Variants in ADAMTS16 observed in about 807,000 individuals in gnomAD.
ADAMTS16 encodes A disintegrin and metalloproteinase with thrombospondin motifs 16.
A neutral mutation model predicts 145.8 loss-of-function variants in ADAMTS16; 94 were observed. The observed-to-expected ratio is 0.64, with a 90% CI of 0.55 to 0.77. The LOEUF is 0.77. ADAMTS16 is among the 30% of genes least tolerant of loss of function. The pLI is 0.00. For synonymous variants in ADAMTS16, 659 were observed against 604.3 expected (o/e 1.09, Z -1.33); for missense variants, 1,585 against 1,591.5 (o/e 1.00, Z 0.07).
At position 5,216,774 on chromosome 5, in the gene ADAMTS16, C is replaced by T. The variant is rs532340832; in HGVS notation, c.1606-6015C>T. ...CTCCCCCCTCCCCCCACCCCACAAC[C>T]GTCCCCAGAGTGTGATATTCCCCTT... is the stretch of plus-strand genomic sequence containing the variant. On this transcript the variant is annotated intron_variant, in intron 10 of 22. Coordinates refer to ENST00000274181, the MANE Select transcript of ADAMTS16 (RefSeq NM_139056.4). Among the ~76,000 whole-genome samples, 33 of 125,506 alleles carry T rather than the reference C, an allele frequency of 2.6e-4. No individual in the cohort carries two copies. The East Asian group carries it at 5.6e-3, about 21-fold the overall frequency. The allele number at this position is 125,506 out of a possible 152,430, so 82.3% of individuals were successfully genotyped here. A position where few individuals can be genotyped will look rare whatever the true frequency, so the allele number is the denominator to read the frequency against.
chr5:5,258,849 T>TA (rs200324299), intron 17 of ADAMTS16, among the ~76,000 whole-genome samples: 5 of 150,876 alleles, frequency 3.3e-5, no homozygotes, highest in Non-Finnish European at 7.4e-5. Context: ...TATATATATA[T>TA]AATTTTTTTT....
At chr5:5,303,804 C>T (rs1465765125) in intron 20 of ADAMTS16, 38 bp downstream of exon 20, 1 of 1,600,994 alleles carries the variant, frequency 6.2e-7, no homozygotes. Context: ...GGTTGACTAG[C>T]TCTCCCCTCG....
In ADAMTS16 at chr5:5,318,358, G is replaced by A. The variant is rs191448236; in HGVS notation, c.3559+77G>A. On this transcript the variant is annotated intron_variant, in intron 22 of 22. Coordinates refer to ENST00000274181, the MANE Select transcript of ADAMTS16 (RefSeq NM_139056.4). ...GGTTTCTGGAGCAGTTCCTTGGGGG[G>A]CCTGGAGTTAGGGTCTTGCGTCTGA... The A allele has an allele frequency of 1.4e-5, 18 of 1,306,420 alleles. 1 individual carries two copies. Among genetic ancestry groups the A allele is most frequent in the South Asian group, 1.0e-4 (4 of 38,896 alleles). The allele number at this position is 1,306,420 out of a possible 1,614,324, so 80.9% of individuals were successfully genotyped here. A position where few individuals can be genotyped will look rare whatever the true frequency, so the allele number is the denominator to read the frequency against.
chr5:5,197,102 T>C (rs1334064650), intron 8 of ADAMTS16, among the ~76,000 whole-genome samples: 1 of 152,202 alleles, frequency 6.6e-6, no homozygotes, highest in Non-Finnish European at 1.5e-5. Context: ...TCGCCATCAT[T>C]ATGCCAAAGG....
At chr5:5,282,050 G>A (rs114095891) in intron 18 of ADAMTS16, among the ~76,000 whole-genome samples, 358 of 151,988 alleles carry the variant, frequency 2.4e-3, no homozygotes, top group Non-Finnish European at 4.4e-3. Flanking sequence ...ATGCTCACCC[G>A]TTGAGCCTTT....
chr5:5,265,460 CCCACCT>C (rs1579356615), intron 18 of ADAMTS16, among the ~76,000 whole-genome samples: 1 of 152,144 alleles, frequency 6.6e-6, no homozygotes, highest in East Asian at 1.9e-4. Flanking sequence ...AAGTGAGGCT[CCCACCT>C]TCCCACAGAG....
intron 9 of ADAMTS16, among the ~76,000 whole-genome samples, chr5:5,204,102 A>G (rs1736027279): frequency 6.6e-6 from 1 of 152,138 alleles, no homozygotes; most frequent in African/African-American, 2.4e-5. Context: ...GACCGAGGGA[A>G]TCAGTTCATG....
intron 8 of ADAMTS16, among the ~76,000 whole-genome samples, chr5:5,199,291 T>C (rs1735893326): frequency 2.0e-5 from 3 of 152,200 alleles, no homozygotes; most frequent in South Asian, 4.1e-4. Flanking sequence ...ATTGGCATTG[T>C]AGGATCTCAA....
chr5:5,298,790 A>C (rs1490577814), intron 18 of ADAMTS16, among the ~76,000 whole-genome samples: 1 of 152,240 alleles, frequency 6.6e-6, no homozygotes, highest in East Asian at 1.9e-4. Flanking sequence ...TCAAAAACCA[A>C]GTAATATTGA....
intron 3 of ADAMTS16, among the ~76,000 whole-genome samples, chr5:5,152,244 C>T (rs148803968): frequency 7.9e-4 from 120 of 152,350 alleles, no homozygotes; most frequent in African/African-American, 2.8e-3. Flanking sequence ...GCAGATGGGA[C>T]TGCTAGAATG....
rs79452311 is a variant in ADAMTS16, at chr5:5,166,763, T to C, written c.502-15281T>C. Among the ~76,000 whole-genome samples, 294 of 152,316 alleles carry C rather than the reference T, an allele frequency of 1.9e-3. 7 individuals carry two copies. In the East Asian group the frequency reaches 0.047, roughly 25 times the overall value. ...AGCTAAAAGATAATTTCCAAGACAG[T>C]GTTTCCAGTTGGAAAATAAGGCCCT... On this transcript the variant is annotated intron_variant, in intron 3 of 22. Coordinates refer to ENST00000274181, the MANE Select transcript of ADAMTS16 (RefSeq NM_139056.4).
chr5:5,215,789 ATGTGTGGTATATATATG>A (rs1736410782), intron 10 of ADAMTS16, among the ~76,000 whole-genome samples: 1 of 46,064 alleles, frequency 2.2e-5, no homozygotes, highest in Non-Finnish European at 3.9e-5. Flanking sequence ...TGGTATATAT[ATGTGTGGTATATATATG>A]TGTGGTATAT....
At chr5:5,177,554 GAT>G (rs1735234184) in intron 3 of ADAMTS16, among the ~76,000 whole-genome samples, 1 of 152,064 alleles carries the variant, frequency 6.6e-6, no homozygotes, top group South Asian at 2.1e-4. Context: ...TTTTTTTCAA[GAT>G]ATCACATATA....
At chr5:5,212,966 T>C (rs1736318272) in intron 10 of ADAMTS16, among the ~76,000 whole-genome samples, 1 of 152,244 alleles carries the variant, frequency 6.6e-6, no homozygotes, top group Non-Finnish European at 1.5e-5. Flanking sequence ...TGATAGTGGT[T>C]GCTTTAGAGA....
At chr5:5,312,878 A>T (rs1255601281) in intron 21 of ADAMTS16, among the ~76,000 whole-genome samples, 1 of 152,184 alleles carries the variant, frequency 6.6e-6, no homozygotes, top group Admixed American at 6.5e-5. Flanking sequence ...GTCTGTGGGA[A>T]ATGTGGGTCA....
rs1173829992 is a variant in ADAMTS16 at position 5,206,425 on chromosome 5, C to CAAAAAAAAAA, written c.1452-2655_1452-2646dup. 7.9e-3 allele frequency among the ~76,000 whole-genome samples: 312 copies of CAAAAAAAAAA among 39,420 alleles called. 10 individuals are homozygous for CAAAAAAAAAA. The highest frequency in any genetic ancestry group is 9.7e-3 in the African/African-American group (83 of 8,522). 25.9% of individuals were successfully genotyped at this position (39,420 alleles called of 152,430 possible). On this transcript the variant is annotated intron_variant, in intron 9 of 22. Coordinates refer to ENST00000274181, the MANE Select transcript of ADAMTS16 (RefSeq NM_139056.4). ...TGGGCGACAGAGCGAGACTCCGTCT[C>CAAAAAAAAAA]AAAAAAAAAAAAAAAAAAAAAAGAT...
intron 2 of ADAMTS16, among the ~76,000 whole-genome samples, chr5:5,144,602 A>G (rs1337538104): frequency 6.6e-6 from 1 of 152,208 alleles, no homozygotes; most frequent in Non-Finnish European, 1.5e-5. Flanking sequence ...GTGATTTCCC[A>G]GGTCAAAGTA....
At chr5:5,297,847 G>A (rs979617975) in intron 18 of ADAMTS16, among the ~76,000 whole-genome samples, 1 of 152,210 alleles carries the variant, frequency 6.6e-6, no homozygotes, top group African/African-American at 2.4e-5. Context: ...CAGTGTCTGT[G>A]TCTGGCTCAT....
chr5:5,199,822 A>G (rs1030078218), intron 8 of ADAMTS16, among the ~76,000 whole-genome samples: 1 of 152,090 alleles, frequency 6.6e-6, no homozygotes, highest in Non-Finnish European at 1.5e-5. Flanking sequence ...AAGAAGCTAC[A>G]TAGAGCAGTG....
Sources: gnomAD v4.1 joint callset for allele counts (sites outside exome capture counted in the v4.1 genomes callset) on GRCh38, gnomAD v4.1.1 for gene constraint, MANE v1.5 for transcripts, NCBI Gene and HGNC (gene_info 2026-07-23, HGNC 2026-07-21) for gene names.